Variants in FBXL17 observed in about 807,000 individuals in gnomAD.
FBXL17 encodes F-box/LRR-repeat protein 17.
A neutral mutation model predicts 66.2 loss-of-function variants in FBXL17; 22 were observed. The ratio of observed to expected loss-of-function variants is 0.33; its 90% confidence interval spans 0.24 to 0.47. The LOEUF is 0.47. Ranked by LOEUF, FBXL17 falls within the 20% of genes least tolerant of loss-of-function variation. The pLI, the probability that FBXL17 is intolerant of heterozygous loss-of-function variation, is 1.00. For missense variants in FBXL17, 878 were observed against 948.2 expected, an observed-to-expected ratio of 0.93 and a Z score of 0.97; for synonymous variants, 474 against 400.5, an observed-to-expected ratio of 1.18 and a Z score of -2.19.
At position 108,029,761 on chromosome 5, in the gene FBXL17, T is replaced by C. The variant is rs182907127; in HGVS notation, c.1746-8760A>G. On this transcript the variant is annotated intron_variant, in intron 6 of 8. Transcript: ENST00000542267. ...TTTTTTAATCCAAAAGAAAGGAAGA[T>C]AGCTGATTTTGGTTATTTTTTTTTT... is the stretch of plus-strand genomic sequence containing the variant. Among the ~76,000 whole-genome samples, 72 of 152,210 alleles carry C rather than the reference T, an allele frequency of 4.7e-4. No homozygotes were observed. In the Middle Eastern group the frequency reaches 0.01, roughly 22 times the overall value.
intron 7 of FBXL17, among the ~76,000 whole-genome samples, chr5:107,885,104 G>A (rs1223375630): frequency 5.3e-5 from 8 of 152,212 alleles, no homozygotes; most frequent in East Asian, 1.9e-4. Context: ...CTTCATTAGA[G>A]GCTGTTGACA....
At chr5:107,969,706 T>G (rs78484708) in intron 7 of FBXL17, among the ~76,000 whole-genome samples, 1 of 152,268 alleles carries the variant, frequency 6.6e-6, no homozygotes, top group Non-Finnish European at 1.5e-5. Flanking sequence ...GACAAGGGAA[T>G]TGGCATTTTT....
chr5:108,290,581 G>A (rs147221217), intron 4 of FBXL17, among the ~76,000 whole-genome samples: 18 of 151,988 alleles, frequency 1.2e-4, no homozygotes, highest in African/African-American at 4.4e-4. Flanking sequence ...GGACTGTATT[G>A]AACTTAATGG....
In FBXL17 at chr5:108,300,732, CAAAGAA is replaced by C. The variant is rs544517687; in HGVS notation, c.1506+47661_1506+47666del. On this transcript the variant is annotated intron_variant, in intron 4 of 8. Coordinates refer to ENST00000542267, the MANE Select transcript of FBXL17 (RefSeq NM_001163315.3). The stretch of plus-strand genomic sequence containing the variant: ...CATTCACCCACAAATAAAAAGGTAA[CAAAGAA>C]AAAGGAAAAAATAAAGATATATATT... Among the ~76,000 whole-genome samples, 1,205 of 150,992 alleles carry C rather than the reference CAAAGAA, an allele frequency of 8.0e-3. 11 individuals are homozygous for C. Among genetic ancestry groups the C allele is most frequent in the African/African-American group, 0.028 (1,140 of 41,222 alleles).
intron 4 of FBXL17, among the ~76,000 whole-genome samples, chr5:108,238,682 CT>C (rs1022035229): frequency 6.6e-6 from 1 of 151,656 alleles, no homozygotes; most frequent in East Asian, 1.9e-4. Context: ...GGCTAATATT[CT>C]TTTTTTTGCA....
chr5:108,189,969 G>A (rs1368792990), intron 5 of FBXL17, among the ~76,000 whole-genome samples: 3 of 152,148 alleles, frequency 2.0e-5, no homozygotes, highest in African/African-American at 7.2e-5. Flanking sequence ...CCCCAGTTGA[G>A]ATCTTGATTG....
chr5:108,364,628 T>A, intron 3 of FBXL17, 110 bp downstream of exon 3: 2 of 817,306 alleles, frequency 2.4e-6, no homozygotes, highest in South Asian at 3.7e-5. Flanking sequence ...AAAAAGATGA[T>A]TCACTTGAGT....
intron 4 of FBXL17, among the ~76,000 whole-genome samples, chr5:108,271,843 T>C (rs1021331417): frequency 2.0e-5 from 3 of 152,198 alleles, no homozygotes; most frequent in African/African-American, 7.2e-5. Flanking sequence ...TCTGGCTCCC[T>C]TATGTGACCT....
chr5:108,140,190 C>T (rs1234766863), intron 6 of FBXL17, among the ~76,000 whole-genome samples: 3 of 152,074 alleles, frequency 2.0e-5, no homozygotes, highest in East Asian at 3.9e-4. Flanking sequence ...GGACTATAGG[C>T]ACATGTCACC....
At chr5:108,294,036 T>G (rs1252523534) in intron 4 of FBXL17, among the ~76,000 whole-genome samples, 1 of 117,352 alleles carries the variant, frequency 8.5e-6, no homozygotes, top group African/African-American at 3.4e-5. Context: ...GCGAGACTCT[T>G]GTCTCACAAA....
intron 6 of FBXL17, among the ~76,000 whole-genome samples, chr5:108,052,438 C>A (rs1747522601): frequency 6.6e-6 from 1 of 152,120 alleles, no homozygotes; most frequent in South Asian, 2.1e-4. Flanking sequence ...CGAATGAACT[C>A]CCAATCACAA....
intron 5 of FBXL17, among the ~76,000 whole-genome samples, chr5:108,215,150 G>A (rs1055599393): frequency 6.6e-6 from 1 of 152,110 alleles, no homozygotes; most frequent in Non-Finnish European, 1.5e-5. Flanking sequence ...TTTAGCTGTT[G>A]TGTATGTTGC....
At chr5:108,309,055 G>A (rs1471597713) in intron 4 of FBXL17, among the ~76,000 whole-genome samples, 1 of 151,954 alleles carries the variant, frequency 6.6e-6, no homozygotes, top group Admixed American at 6.6e-5. Context: ...AATTATTACA[G>A]GGATACTTAT....
At chr5:107,902,535 G>A (rs1248714997) in intron 7 of FBXL17, among the ~76,000 whole-genome samples, 1 of 152,106 alleles carries the variant, frequency 6.6e-6, no homozygotes, top group Non-Finnish European at 1.5e-5. Context: ...AGTTGCGGCG[G>A]TCAAAATTGT....
intron 7 of FBXL17, among the ~76,000 whole-genome samples, chr5:107,972,131 C>G (rs913988945): frequency 6.6e-6 from 1 of 152,056 alleles, no homozygotes; most frequent in Non-Finnish European, 1.5e-5. Context: ...CACTCATAGC[C>G]CTGTGCACAG....
intron 6 of FBXL17, among the ~76,000 whole-genome samples, chr5:108,179,953 G>A (rs750563238): frequency 4.6e-5 from 7 of 152,002 alleles, no homozygotes; most frequent in African/African-American, 9.7e-5. Flanking sequence ...AAATGGAAAG[G>A]GGGCCAAAGA....
At chr5:107,902,428 A>T (rs1749598887) in intron 7 of FBXL17, among the ~76,000 whole-genome samples, 1 of 152,200 alleles carries the variant, frequency 6.6e-6, no homozygotes, top group Non-Finnish European at 1.5e-5. Context: ...TATTACTGGC[A>T]ATCTACTAAT....
chr5:108,186,017 C>A, intron 6 of FBXL17, 100 bp downstream of exon 6: 1 of 886,492 alleles, frequency 1.1e-6, no homozygotes, highest in Admixed American at 2.5e-5. Flanking sequence ...AAAGGCACAG[C>A]TGTATTCAAT....
At chr5:107,955,792 T>C (rs138690358) in intron 7 of FBXL17, among the ~76,000 whole-genome samples, 2 of 152,318 alleles carry the variant, frequency 1.3e-5, no homozygotes, top group Admixed American at 1.3e-4. Flanking sequence ...AGCCCACCTC[T>C]CAAACATCTC....
Sources: allele counts gnomAD v4.1 joint callset (sites outside exome capture counted in the v4.1 genomes callset), GRCh38; gene constraint gnomAD v4.1.1; transcripts MANE v1.5; gene names NCBI Gene and HGNC (gene_info 2026-07-23, HGNC 2026-07-21).